Variants in BCAM observed in about 807,000 individuals in gnomAD.
BCAM encodes the protein basal cell adhesion molecule (Lutheran blood group).
BCAM carries 61 observed loss-of-function variants against 72.4 expected under a neutral mutation model. That is an observed-to-expected ratio of 0.84 (90% CI 0.69 to 1.04). The LOEUF (loss-of-function observed/expected upper bound fraction) is 1.04, where lower values mean the gene tolerates loss of function less well. Among genes scored for constraint, BCAM ranks in the 50% least tolerant of loss-of-function variants. BCAM has a pLI of 0.00. For missense variants in BCAM, 909 were observed against 895.0 expected, an observed-to-expected ratio of 1.02 and a Z score of -0.20; for synonymous variants, 408 against 384.2, an observed-to-expected ratio of 1.06 and a Z score of -0.73.
In BCAM at chr19:44,819,437, G is replaced by A; in HGVS notation, c.1565G>A (p.Cys522Tyr). 4 of 1,614,080 alleles carry A rather than the reference G, an allele frequency of 2.5e-6. No individual in the cohort carries two copies. Among genetic ancestry groups the A allele is most frequent in the African/African-American group, 1.3e-5 (1 of 75,042 alleles). ...GCCCTGAGCCGCGATGGCATCTCCTGTGAAGCCTCCAACCCCCACGGGAAC... is the reference window on the plus strand; with the variant it reads ...GCCCTGAGCCGCGATGGCATCTCCTATGAAGCCTCCAACCCCCACGGGAAC... ...TSALSRDGISCEASNPHGNKR... is the reference protein window; with the variant it reads ...TSALSRDGISYEASNPHGNKR... The change falls in exon 12 of 15, where the codon TGT becomes TAT. Residue 522 changes from cysteine to tyrosine, a missense_variant. Physicochemically the swap from Cys to Tyr is radical, Grantham distance 194. Transcript: ENST00000270233.
At chr19:44,815,683 G>T (rs1378170088) in intron 8 of BCAM, among the ~76,000 whole-genome samples, 1 of 152,126 alleles carries the variant, frequency 6.6e-6, no homozygotes, top group Non-Finnish European at 1.5e-5. Flanking sequence ...GCAAGATTTG[G>T]CAAGGTGAGA....
Position 44,819,370 on chromosome 19 carries a change from C to T in BCAM, c.1498C>T (p.Gln500Ter). ...GCCCGCAGAGCCAATCCCCGGACGG[C>T]AGGGTTGGGTGAGCAGCTCTCTGAC... ...GSPAEPIPGR[Q>*]GWVSSSLTLK... The change falls in exon 12 of 15, where the codon CAG (glutamine) becomes TAG (stop). Residue 500 changes from glutamine to a stop codon, truncating the protein, a stop_gained. Coordinates refer to ENST00000270233, the MANE Select transcript of BCAM (RefSeq NM_005581.5). LOFTEE classifies it high-confidence loss of function. 6.2e-7 allele frequency: 1 copy of T among 1,614,100 alleles called. No homozygotes were observed. The highest frequency in any genetic ancestry group is 8.5e-7 in the Non-Finnish European group (1 of 1,179,970).
chr19:44,811,107 T>A (rs28399650), intron 1 of BCAM, 118 bp from the exon 2 acceptor site: 33,592 of 1,488,902 alleles, frequency 0.023, 514 homozygotes, highest in South Asian at 0.047. Context: ...CCTGGACTCC[T>A]GGGTCTGAGG....
intron 8 of BCAM, among the ~76,000 whole-genome samples, chr19:44,817,647 C>T (rs143612746): frequency 0.012 from 1,772 of 151,980 alleles, 31 homozygotes; most frequent in African/African-American, 0.04. Flanking sequence ...CAGGTTCAAG[C>T]GATTCTCCTG....
At position 44,811,918 on chromosome 19, in the gene BCAM, G is replaced by C. The variant is rs945238714; in HGVS notation, c.205-245G>C. ...GAGGAAAGAAAATGAGAGACAATCGGGAGAGGGAGAGACCAAGAGGAGAAG... is the reference window on the plus strand; with the variant it reads ...GAGGAAAGAAAATGAGAGACAATCGCGAGAGGGAGAGACCAAGAGGAGAAG... On this transcript the variant is annotated intron_variant, in intron 2 of 14. Coordinates refer to ENST00000270233, the MANE Select transcript of BCAM (RefSeq NM_005581.5). 2.0e-5 allele frequency: 11 copies of C among 563,182 alleles called. No individual in the cohort carries two copies. In the African/African-American group the frequency reaches 2.1e-4, roughly 11 times the overall value. 34.9% of individuals were successfully genotyped at this position (563,182 alleles called of 1,614,324 possible).
rs770429404 is a variant in BCAM, at chr19:44,820,938, A to G, written c.*17A>G. 79 of 1,556,742 alleles carry G rather than the reference A, an allele frequency of 5.1e-5. No individual in the cohort carries two copies. The Middle Eastern group carries it at 5.3e-4, about 11-fold the overall frequency. On this transcript the variant is annotated 3_prime_UTR_variant, in exon 15 of 15. Coordinates refer to ENST00000270233, the MANE Select transcript of BCAM (RefSeq NM_005581.5). ...CAGTGCTGAGCCAAGAACCTCCTAG[A>G]GGCTGTCCCTGGACCTGGAGCTGCA...
At chr19:44,810,385 G>T (rs1968401423) in intron 1 of BCAM, among the ~76,000 whole-genome samples, 1 of 152,096 alleles carries the variant, frequency 6.6e-6, no homozygotes, top group Admixed American at 6.5e-5. Context: ...AGGCCGGGCA[G>T]GTCTCAGCCA....
Position 44,818,098 on chromosome 19 carries a change from A to G in BCAM, c.1079-424A>G, listed in dbSNP as rs1968525866. Reference sequence around the variant, plus strand: ...ACTTGAGGCCAGGAGTTTGAGACCCAGCCTGGCCAACATAGCAACACCTTG... The same window carrying G: ...ACTTGAGGCCAGGAGTTTGAGACCCGGCCTGGCCAACATAGCAACACCTTG... On this transcript the variant is annotated intron_variant, in intron 8 of 14. Coordinates refer to ENST00000270233, the MANE Select transcript of BCAM (RefSeq NM_005581.5). The surrounding 1 kb of genome is among the most constrained non-coding windows in gnomAD (Gnocchi z 4.6). 6.6e-6 allele frequency among the ~76,000 whole-genome samples: 1 copy of G among 152,208 alleles called. No individual in the cohort carries two copies. Among genetic ancestry groups the G allele is most frequent in the Admixed American group, 6.5e-5 (1 of 15,276 alleles).
Position 44,813,578 on chromosome 19 carries a change from C to T in BCAM, c.742C>T (p.His248Tyr). 6.2e-7 allele frequency: 1 copy of T among 1,612,672 alleles called. No homozygotes were observed. The highest frequency in any genetic ancestry group is 1.1e-5 in the South Asian group (1 of 91,044). ...AAHYSLPEGR[H>Y]GRLDSPTFHL... ...CCACTACAGCCTGCCCGAGGGCCGC[C>T]ACGGCCGCCTGGACAGCCCCACCTT... Residue 248 changes from histidine to tyrosine, a missense_variant, in exon 6 of 15, where the codon CAC (histidine) becomes TAC (tyrosine). His to Tyr is a moderately conservative substitution (Grantham distance 83). Coordinates refer to ENST00000270233, the MANE Select transcript of BCAM (RefSeq NM_005581.5). The surrounding 1 kb of genome is among the most constrained non-coding windows in gnomAD (Gnocchi z 4.2).
Position 44,812,273 on chromosome 19 carries a change from C to T in BCAM, c.315C>T (p.Asp105=), listed in dbSNP as rs766342040. 6.2e-7 allele frequency: 1 copy of T among 1,610,518 alleles called. No individual in the cohort carries two copies. Among genetic ancestry groups the T allele is most frequent in the Non-Finnish European group, 8.5e-7 (1 of 1,178,074 alleles). ...GCCGCAGTCCCCCATACCAGCTGGACTCCCAGGGGCGCCTGGTGCTGGCTG... is the reference window on the plus strand; with the variant it reads ...GCCGCAGTCCCCCATACCAGCTGGATTCCCAGGGGCGCCTGGTGCTGGCTG... The part of the protein sequence containing the change: ...TRGRSPPYQL[D]SQGRLVLAEA... Residue 105 remains aspartate, a synonymous_variant, in exon 3 of 15, where the codon GAC becomes GAT. Coordinates refer to ENST00000270233, the MANE Select transcript of BCAM (RefSeq NM_005581.5). The surrounding 1 kb of genome is among the most constrained non-coding windows in gnomAD (Gnocchi z 5.3).
rs1968590960 is a variant in BCAM, at chr19:44,821,351, T to TACCTCCGCCCC, written c.*434_*444dup. 3 of 46,718 alleles carry TACCTCCGCCCC rather than the reference T, an allele frequency of 6.4e-5. No homozygotes were observed. Among genetic ancestry groups the TACCTCCGCCCC allele is most frequent in the Non-Finnish European group, 1.1e-4 (3 of 27,498 alleles). The allele number at this position is 46,718 out of a possible 1,614,324, so 2.9% of individuals were successfully genotyped here. ...CCTGGTCCCACTCCTGCCCCCGCCC[T>TACCTCCGCCCC]ACCTCCGCCCCACCCCATCATCTGT... On this transcript the variant is annotated 3_prime_UTR_variant, in exon 15 of 15. Transcript: ENST00000270233.
In BCAM at chr19:44,821,004, C is replaced by A; in HGVS notation, c.*83C>A. On this transcript the variant is annotated 3_prime_UTR_variant, in exon 15 of 15. Transcript: ENST00000270233. ...GCCCTGCTCACGCCATGCCCGCCCC[C>A]GCCTTCCCTCTTCCCTCTTCCCTCT... 13 of 1,430,012 alleles carry A rather than the reference C, an allele frequency of 9.1e-6. No individual in the cohort carries two copies. The highest frequency in any genetic ancestry group is 1.2e-5 in the Non-Finnish European group (13 of 1,083,908). The allele number at this position is 1,430,012 out of a possible 1,614,324, so 88.6% of individuals were successfully genotyped here. A position where few individuals can be genotyped will look rare whatever the true frequency, so the allele number is the denominator to read the frequency against.
rs150571243 is a variant in BCAM at position 44,814,183 on chromosome 19, C to T, written c.816C>T (p.Gly272=). 8.2e-6 allele frequency: 13 copies of T among 1,582,982 alleles called. No homozygotes were observed. The African/African-American group carries it at 1.4e-4, about 17-fold the overall frequency. ...YPTEHVQFWV[G]SPSTPAGWVR... is the part of the protein sequence containing the mutation. ...CGGAGCACGTGCAGTTCTGGGTGGG[C>T]AGCCCGTCCACCCCAGCAGGCTGGG... Residue 272 remains glycine, a synonymous_variant, in exon 7 of 15, where the codon GGC becomes GGT. Coordinates refer to ENST00000270233, the MANE Select transcript of BCAM (RefSeq NM_005581.5). The surrounding 1 kb of genome is among the most constrained non-coding windows in gnomAD (Gnocchi z 4.6).
chr19:44,811,144 G>A, intron 1 of BCAM, 81 bp from the exon 2 acceptor site: 2 of 1,599,520 alleles, frequency 1.3e-6, no homozygotes, highest in Admixed American at 1.7e-5. Flanking sequence ...CTGGACGCTT[G>A]TGTCCTGGGG....
At chr19:44,809,902 A>G (rs1026996719) in intron 1 of BCAM, among the ~76,000 whole-genome samples, 21 of 151,844 alleles carry the variant, frequency 1.4e-4, no homozygotes, top group Non-Finnish European at 2.8e-4. Context: ...GGACAGAGGG[A>G]CAGAGAGATG....
At position 44,813,426 on chromosome 19, in the gene BCAM, G is replaced by T; in HGVS notation, c.602-12G>T. The T allele has an allele frequency of 6.2e-7, 1 of 1,608,272 alleles. No individual in the cohort carries two copies. Among genetic ancestry groups the T allele is most frequent in the Non-Finnish European group, 8.5e-7 (1 of 1,177,420 alleles). On this transcript the variant is annotated splice_polypyrimidine_tract_variant and intron_variant, in intron 5 of 14. Transcript: ENST00000270233. This position sits in a 1 kb window ranked among gnomAD's most constrained non-coding sequence, Gnocchi z 4.2. ...GGCCTGGCTGACTGCCACCTCCCCCGATCTCTCCCAGAGGGCTACATGACC... is the reference window on the plus strand; with the variant it reads ...GGCCTGGCTGACTGCCACCTCCCCCTATCTCTCCCAGAGGGCTACATGACC...
rs1437785474 is a variant in BCAM at position 44,812,725 on chromosome 19, G to A, written c.504+177G>A. ...AGCATTTTGGGAGGCAGAGGCAGGCGGATCACCTGAGGTCAGGAGTTCCAG... is the reference window on the plus strand; with the variant it reads ...AGCATTTTGGGAGGCAGAGGCAGGCAGATCACCTGAGGTCAGGAGTTCCAG... On this transcript the variant is annotated intron_variant, in intron 4 of 14. Coordinates refer to ENST00000270233, the MANE Select transcript of BCAM (RefSeq NM_005581.5). The surrounding 1 kb of genome is among the most constrained non-coding windows in gnomAD (Gnocchi z 5.3). 2.4e-5 allele frequency: 16 copies of A among 679,484 alleles called. No homozygotes were observed. The highest frequency in any genetic ancestry group is 7.6e-5 in the South Asian group (4 of 52,324). 42.1% of individuals were successfully genotyped at this position (679,484 alleles called of 1,614,324 possible).
At position 44,820,805 on chromosome 19, in the gene BCAM, G is replaced by A. The variant is rs750206295; in HGVS notation, c.1864G>A (p.Gly622Arg). The A allele has an allele frequency of 6.2e-5, 93 of 1,510,598 alleles. No homozygotes were observed. Among genetic ancestry groups the A allele is most frequent in the Admixed American group, 6.7e-5 (3 of 44,878 alleles). The allele number at this position is 1,510,598 out of a possible 1,614,324, so 93.6% of individuals were successfully genotyped here. A position where few individuals can be genotyped will look rare whatever the true frequency, so the allele number is the denominator to read the frequency against. Residue 622 changes from glycine to arginine, a missense_variant, in exon 14 of 15, where the codon GGG (glycine) becomes AGG (arginine). Transcript: ENST00000270233. ...GASGGARGGSGGFGDEC is the reference protein window; with the variant it reads ...GASGGARGGSRGFGDEC Reference sequence around the variant, plus strand: ...CTCCGGAGGAGCCAGGGGTGGCAGCGGGGGCTTCGGAGACGAGGTGGGTGA... The same window carrying A: ...CTCCGGAGGAGCCAGGGGTGGCAGCAGGGGCTTCGGAGACGAGGTGGGTGA...
Position 44,819,619 on chromosome 19 carries a change from G to A in BCAM, c.1656G>A (p.Met552Ile). 1 of 1,613,520 alleles carries A rather than the reference G, an allele frequency of 6.2e-7. No individual in the cohort carries two copies. The change falls in exon 13 of 15, where the codon ATG (methionine) becomes ATA (isoleucine). Residue 552 changes from methionine to isoleucine, a missense_variant. Met to Ile is a conservative substitution (Grantham distance 10, BLOSUM62 1). Transcript: ENST00000270233. The stretch of plus-strand genomic sequence containing the variant: ...CCTCCCAGGCTGGAGTGGCCGTCAT[G>A]GCCGTGGCCGTCAGCGTGGGCCTCC... ...PQTSQAGVAV[M>I]AVAVSVGLLL...
Sources: gnomAD v4.1 joint callset for allele counts (sites outside exome capture counted in the v4.1 genomes callset) on GRCh38, gnomAD v4.1.1 for gene constraint, Gnocchi (gnomAD v3.1) non-coding constraint, MANE v1.5 for transcripts, NCBI Gene and HGNC (gene_info 2026-07-23, HGNC 2026-07-21) for gene names.